The following ZNF25 variants were observed in gnomAD, a reference collection of about 807,000 sequenced individuals.
ZNF25 encodes the protein zinc finger protein 25, also known as zinc finger protein 25 (KOX 19).
A neutral mutation model predicts 30.9 loss-of-function variants in ZNF25; 21 were observed. The ratio of observed to expected loss-of-function variants is 0.68; its 90% CI spans 0.48 to 0.98. The LOEUF is 0.98. ZNF25 is among the 50% of genes least tolerant of loss of function. ZNF25 has a pLI of 0.00. For missense variants in ZNF25, 501 were observed against 529.9 expected, an observed-to-expected ratio of 0.95 and a Z score of 0.54; for synonymous variants, 169 against 181.3, an observed-to-expected ratio of 0.93 and a Z score of 0.55.
chr10:37,956,815 TG>T (rs1256519037), intron 4 of ZNF25, among the ~76,000 whole-genome samples: 3 of 149,108 alleles, frequency 2.0e-5, no homozygotes, highest in African/African-American at 7.5e-5. Flanking sequence ...CTCGGGAGGC[TG>T]AGGGAGGAGA....
rs762913846 is a variant in ZNF25, at chr10:37,957,591, T to C, written c.16-45A>G. 19 of 1,582,330 alleles carry C rather than the reference T, an allele frequency of 1.2e-5. No homozygotes were observed. In the South Asian group the frequency reaches 1.3e-4, roughly 11 times the overall value. ...TTCAATTTGAAGTAACCAGAATAGA[T>C]TGCATACCATTGAAAAGACATGTGA... On this transcript the variant is annotated intron_variant, in intron 2 of 5. Coordinates refer to ENST00000302609, the MANE Select transcript of ZNF25 (RefSeq NM_145011.4).
intron 4 of ZNF25, among the ~76,000 whole-genome samples, chr10:37,955,031 G>A (rs1425490135): frequency 6.6e-6 from 1 of 152,012 alleles, no homozygotes; most frequent in Non-Finnish European, 1.5e-5. Context: ...GTGGGCACCT[G>A]TAATCCCAGC....
Position 37,971,766 on chromosome 10 carries a change from C to T in ZNF25, c.-44G>A. On this transcript the variant is annotated 5_prime_UTR_variant, in exon 2 of 6. Transcript: ENST00000302609. ...AAGGCTGAAAACTGCAAAGCCAGAG[C>T]AGAAATCATAAGGGACCTTAGCTGG... 6.2e-7 allele frequency: 1 copy of T among 1,613,854 alleles called. No individual in the cohort carries two copies. Among genetic ancestry groups the T allele is most frequent in the Non-Finnish European group, 8.5e-7 (1 of 1,179,990 alleles).
intron 2 of ZNF25, among the ~76,000 whole-genome samples, chr10:37,960,493 G>A (rs932264670): frequency 6.7e-6 from 1 of 150,244 alleles, no homozygotes; most frequent in Admixed American, 6.6e-5. Context: ...GCGTGGTGAT[G>A]GGCGCCTGTA....
chr10:37,951,431 G>A lies in ZNF25; in HGVS notation c.*696C>T, dbSNP rs533496375. 1 of 152,268 alleles carries A rather than the reference G, an allele frequency of 6.6e-6. No homozygotes were observed. The highest frequency in any genetic ancestry group is 2.4e-5 in the African/African-American group (1 of 41,540). The allele number at this position is 152,268 out of a possible 1,614,324, so 9.4% of individuals were successfully genotyped here. On this transcript the variant is annotated 3_prime_UTR_variant, in exon 6 of 6. Transcript: ENST00000302609. The stretch of plus-strand genomic sequence containing the variant: ...GTTTAATGATGTTGCCTGATAACTT[G>A]TGCTTTTTAAAAGCTTCATATATGT...
At chr10:37,973,755 T>G (rs2063634988) in intron 1 of ZNF25, among the ~76,000 whole-genome samples, 1 of 152,072 alleles carries the variant, frequency 6.6e-6, no homozygotes, top group South Asian at 2.1e-4. Context: ...ACCAATGACA[T>G]TCTTCACAGA....
chr10:37,972,766 C>T (rs544715020), intron 1 of ZNF25, among the ~76,000 whole-genome samples: 2 of 152,292 alleles, frequency 1.3e-5, no homozygotes, highest in Admixed American at 1.3e-4. Flanking sequence ...TCTTTGTTCA[C>T]AGATGACATG....
In ZNF25 at chr10:37,952,045, C is replaced by G; in HGVS notation, c.*82G>C. 2.2e-6 allele frequency: 3 copies of G among 1,335,718 alleles called. No homozygotes were observed. Among genetic ancestry groups the G allele is most frequent in the East Asian group, 2.4e-5 (1 of 42,450 alleles). The allele number at this position is 1,335,718 out of a possible 1,614,324, so 82.7% of individuals were successfully genotyped here. ...AGCTGAAAATTTCCCTCTATTGATG[C>G]GATTCATAAGGTGTACCTCTTGTGT... On this transcript the variant is annotated 3_prime_UTR_variant, in exon 6 of 6. Coordinates refer to ENST00000302609, the MANE Select transcript of ZNF25 (RefSeq NM_145011.4).
chr10:37,961,071 A>G (rs760906941), intron 2 of ZNF25, among the ~76,000 whole-genome samples: 5 of 152,170 alleles, frequency 3.3e-5, no homozygotes, highest in Non-Finnish European at 5.9e-5. Context: ...TTAAAAAACA[A>G]CAACAACAAA....
chr10:37,957,183 A>G, intron 3 of ZNF25, 68 bp from the exon 4 acceptor site: 2 of 1,479,074 alleles, frequency 1.4e-6, no homozygotes, highest in Non-Finnish European at 1.9e-6. Context: ...AAAGATGAGG[A>G]AGTGGAGTTT....
chr10:37,960,633 A>AAC (rs2062815579), intron 2 of ZNF25, among the ~76,000 whole-genome samples: 1 of 148,266 alleles, frequency 6.7e-6, no homozygotes, highest in African/African-American at 2.4e-5. Flanking sequence ...CAAAAAAAAA[A>AAC]AAAAAAAAAA....
At chr10:37,956,338 C>T (rs1169379012) in intron 4 of ZNF25, among the ~76,000 whole-genome samples, 2 of 152,178 alleles carry the variant, frequency 1.3e-5, no homozygotes, top group East Asian at 1.9e-4. Context: ...AAAAGGAAGG[C>T]GATGCCATTT....
At chr10:37,956,531 G>A (rs747773033) in intron 4 of ZNF25, among the ~76,000 whole-genome samples, 7 of 152,150 alleles carry the variant, frequency 4.6e-5, no homozygotes, top group Non-Finnish European at 1.0e-4. Context: ...AATTTAAGTG[G>A]AGAGAACAAA....
intron 2 of ZNF25, among the ~76,000 whole-genome samples, chr10:37,961,847 G>A (rs1163739282): frequency 6.7e-6 from 1 of 150,332 alleles, no homozygotes; most frequent in Non-Finnish European, 1.5e-5. Flanking sequence ...CTTGAACCTG[G>A]GATGCGGATG....
At chr10:37,971,569 A>AC in intron 2 of ZNF25, 139 bp downstream of exon 2, 1 of 1,425,540 alleles carries the variant, frequency 7.0e-7, no homozygotes, top group Non-Finnish European at 9.5e-7. Flanking sequence ...CCTGTAGGTG[A>AC]TTTTTAACTA....
chr10:37,965,639 C>T (rs1468502106), intron 2 of ZNF25, among the ~76,000 whole-genome samples: 1 of 152,096 alleles, frequency 6.6e-6, no homozygotes, highest in Non-Finnish European at 1.5e-5. Flanking sequence ...ATGCTACAAG[C>T]AGTCCTTCAG....
intron 2 of ZNF25, among the ~76,000 whole-genome samples, chr10:37,969,034 G>A (rs897257543): frequency 2.0e-5 from 3 of 152,064 alleles, no homozygotes; most frequent in Non-Finnish European, 4.4e-5. Context: ...AAGATGTTCA[G>A]CATCACTCAT....
intron 2 of ZNF25, 78 bp downstream of exon 2, chr10:37,971,630 A>AC (rs2063492929): frequency 2.2e-6 from 3 of 1,389,724 alleles, no homozygotes; most frequent in Non-Finnish European, 2.0e-6. Flanking sequence ...AAACTCATTA[A>AC]ACACACACAC....
Position 37,953,052 on chromosome 10 carries a change from TCA to T in ZNF25, c.444_445del (p.Cys148Ter), listed in dbSNP as rs751295761. 34 of 1,613,950 alleles carry T rather than the reference TCA, an allele frequency of 2.1e-5. No homozygotes were observed. The South Asian group carries it at 3.3e-4, about 16-fold the overall frequency. Reference sequence around the variant, plus strand: ...TTTAGAGAAAGATTTCCCACATTTATCACAGTCATAGGATTTGCCCTTTGAGT... The same window carrying T: ...TTTAGAGAAAGATTTCCCACATTTATCAGTCATAGGATTTGCCCTTTGAGT... On this transcript the variant is annotated stop_gained and frameshift_variant, in exon 6 of 6. Transcript: ENST00000302609. LOFTEE classifies it high-confidence loss of function.
Sources: gnomAD v4.1 joint callset for allele counts (sites outside exome capture counted in the v4.1 genomes callset) on GRCh38, gnomAD v4.1.1 for gene constraint, MANE v1.5 for transcripts, NCBI Gene and HGNC (gene_info 2026-07-23, HGNC 2026-07-21) for gene names.